The following NRG3 variants were observed in gnomAD, a reference collection of about 807,000 sequenced individuals.
NRG3 encodes pro-neuregulin-3, membrane-bound isoform.
NRG3 carries 31 observed loss-of-function variants against 66.9 expected under a neutral mutation model. The ratio of observed to expected loss-of-function variants is 0.46; its 90% CI spans 0.35 to 0.63. NRG3 has a LOEUF of 0.63. Ranked by LOEUF, NRG3 falls within the 20% of genes least tolerant of loss-of-function variation. NRG3 has a pLI of 0.00. For missense variants in NRG3, 910 were observed against 878.9 expected (o/e 1.04, Z -0.45); for synonymous variants, 393 against 359.4 (o/e 1.09, Z -1.06).
At position 82,140,122 on chromosome 10, in the gene NRG3, G is replaced by A. The variant is rs77081680; in HGVS notation, c.824-218617G>A. On this transcript the variant is annotated intron_variant, in intron 1 of 8. Transcript: ENST00000372141. The stretch of plus-strand genomic sequence containing the variant: ...GCAGTATTTGTGGTAGAATTAATGA[G>A]TATTGTTAGTGTATATTTTAACTGT... 2.6e-5 allele frequency among the ~76,000 whole-genome samples: 4 copies of A among 152,232 alleles called. No individual in the cohort carries two copies. In the East Asian group the frequency reaches 7.7e-4, roughly 29 times the overall value.
chr10:82,909,436 G>A (rs1169393401), intron 4 of NRG3, among the ~76,000 whole-genome samples: 2 of 151,892 alleles, frequency 1.3e-5, no homozygotes, highest in African/African-American at 4.8e-5. Context: ...TTTTACACCC[G>A]ACCTCATGTG....
chr10:82,030,451 G>A (rs7342133), intron 1 of NRG3, among the ~76,000 whole-genome samples: 74,131 of 151,916 alleles, frequency 0.49, 19,040 homozygotes, highest in Admixed American at 0.62. Flanking sequence ...ATCTTCAAGT[G>A]AGGGAGTTAG....
intron 3 of NRG3, among the ~76,000 whole-genome samples, chr10:82,743,054 G>A (rs987481464): frequency 6.6e-6 from 1 of 152,102 alleles, no homozygotes; most frequent in African/African-American, 2.4e-5. Context: ...CCCATTGGAA[G>A]CAAGGGCACG....
At chr10:82,912,388 A>ATCATTATATAATGCTCCTTTT (rs1845405359) in intron 4 of NRG3, among the ~76,000 whole-genome samples, 3 of 152,130 alleles carry the variant, frequency 2.0e-5, no homozygotes, top group Non-Finnish European at 4.4e-5. Context: ...TGACTCCTTT[A>ATCATTATATAATGCTCCTTTT]TCATTATATA....
At chr10:82,451,484 T>C (rs2091015000) in intron 2 of NRG3, among the ~76,000 whole-genome samples, 1 of 152,146 alleles carries the variant, frequency 6.6e-6, no homozygotes, top group African/African-American at 2.4e-5. Flanking sequence ...ATCTGATAAA[T>C]GCAAGAAATT....
rs146512782 is a variant in NRG3 at position 82,356,637 on chromosome 10, G to A, written c.824-2102G>A. On this transcript the variant is annotated intron_variant, in intron 1 of 8. Transcript: ENST00000372141. ...ATTAACAAGCAGATATTTTGAAATG[G>A]AAAACATAAGTTCCCATTGCAATAC... 1.4e-3 allele frequency among the ~76,000 whole-genome samples: 210 copies of A among 152,280 alleles called. 2 individuals are homozygous for A. The Middle Eastern group carries it at 0.037, about 27-fold the overall frequency.
intron 1 of NRG3, among the ~76,000 whole-genome samples, chr10:82,045,833 C>T (rs1289426910): frequency 1.8e-5 from 2 of 110,512 alleles, no homozygotes; most frequent in Admixed American, 1.0e-4. Context: ...GAATCCTTTC[C>T]CCATTTCTTG....
At chr10:82,100,140 A>G (rs1012881235) in intron 1 of NRG3, among the ~76,000 whole-genome samples, 22 of 152,118 alleles carry the variant, frequency 1.4e-4, no homozygotes, top group Non-Finnish European at 2.5e-4. Flanking sequence ...TTGATACACT[A>G]GAATTCAATT....
intron 2 of NRG3, among the ~76,000 whole-genome samples, chr10:82,577,518 C>A (rs2133179296): frequency 6.6e-6 from 1 of 151,756 alleles, no homozygotes; most frequent in African/African-American, 2.4e-5. Flanking sequence ...TTGAATATAT[C>A]ATTGATATTT....
At chr10:82,891,598 A>G (rs1843151672) in intron 4 of NRG3, among the ~76,000 whole-genome samples, 1 of 151,994 alleles carries the variant, frequency 6.6e-6, no homozygotes, top group Non-Finnish European at 1.5e-5. Context: ...ATCGTTACAG[A>G]GAAATTCAGT....
At chr10:82,075,374 T>A (rs2065034062) in intron 1 of NRG3, among the ~76,000 whole-genome samples, 1 of 152,182 alleles carries the variant, frequency 6.6e-6, no homozygotes, top group Non-Finnish European at 1.5e-5. Flanking sequence ...TGTGATCATT[T>A]TGGGAAAGTT....
At chr10:82,571,461 T>C (rs1487051359) in intron 2 of NRG3, among the ~76,000 whole-genome samples, 1 of 151,508 alleles carries the variant, frequency 6.6e-6, no homozygotes, top group Non-Finnish European at 1.5e-5. Flanking sequence ...TGAAAAGTAG[T>C]ACAAAAATTT....
At chr10:82,015,381 G>GT (rs1210203223) in intron 1 of NRG3, among the ~76,000 whole-genome samples, 1 of 152,136 alleles carries the variant, frequency 6.6e-6, no homozygotes, top group Non-Finnish European at 1.5e-5. Flanking sequence ...GAATAATACT[G>GT]TTTGCAATCA....
chr10:82,084,502 A>ACTTTTTT (rs11458166), intron 1 of NRG3, among the ~76,000 whole-genome samples: 1 of 145,340 alleles, frequency 6.9e-6, no homozygotes, highest in Admixed American at 6.8e-5. Flanking sequence ...CATATATGAG[A>ACTTTTTT]TTTTTTTTTT....
intron 2 of NRG3, among the ~76,000 whole-genome samples, chr10:82,570,799 A>G (rs889898789): frequency 6.6e-6 from 1 of 151,672 alleles, no homozygotes; most frequent in African/African-American, 2.4e-5. Flanking sequence ...TGGAGGACTC[A>G]TATGTAAAAT....
intron 3 of NRG3, among the ~76,000 whole-genome samples, chr10:82,836,843 T>C (rs1041204572): frequency 3.3e-5 from 5 of 152,050 alleles, no homozygotes; most frequent in Admixed American, 3.3e-4. Flanking sequence ...CAGCACCCAT[T>C]AACTCATCAT....
intron 1 of NRG3, among the ~76,000 whole-genome samples, chr10:82,264,548 CCA>C (rs2078202286): frequency 6.6e-6 from 1 of 152,094 alleles, no homozygotes; most frequent in Non-Finnish European, 1.5e-5. Flanking sequence ...TTATTTAAAC[CCA>C]CAGACTGGAT....
intron 2 of NRG3, among the ~76,000 whole-genome samples, chr10:82,687,681 C>T (rs919678166): frequency 2.0e-5 from 3 of 151,662 alleles, no homozygotes; most frequent in East Asian, 1.9e-4. Flanking sequence ...GTGATGTGTT[C>T]GGTGTAGAGA....
chr10:82,938,357 C>T (rs762051150), intron 4 of NRG3, among the ~76,000 whole-genome samples: 1 of 152,088 alleles, frequency 6.6e-6, no homozygotes, highest in Non-Finnish European at 1.5e-5. Flanking sequence ...GAGAAGCTCC[C>T]GAGGTGTTTC....
Sources: allele counts gnomAD v4.1 joint callset (sites outside exome capture counted in the v4.1 genomes callset), GRCh38; gene constraint gnomAD v4.1.1; transcripts MANE v1.5; gene names NCBI Gene and HGNC (gene_info 2026-07-23, HGNC 2026-07-21).